The following GPR158 variants were observed in gnomAD, a reference collection of about 807,000 sequenced individuals.
The protein encoded by GPR158 is metabotropic glycine receptor.
Under a neutral mutation model 78.2 loss-of-function variants are expected in GPR158, and 30 were observed. That is an observed-to-expected ratio of 0.38 (90% confidence interval 0.29 to 0.52). GPR158 has a LOEUF of 0.52. GPR158 is among the 20% of genes least tolerant of loss of function. GPR158 has a pLI of 0.83. For missense variants in GPR158, 1,463 were observed against 1,523.5 expected (o/e 0.96, Z 0.66); for synonymous variants, 581 against 591.1 (o/e 0.98, Z 0.25).
At chr10:25,250,990 G>A (rs946403786) in intron 2 of GPR158, among the ~76,000 whole-genome samples, 2 of 151,310 alleles carry the variant, frequency 1.3e-5, no homozygotes, top group African/African-American at 4.9e-5. Context: ...TATGAATCTG[G>A]GTGCTCCTGT....
intron 2 of GPR158, among the ~76,000 whole-genome samples, chr10:25,376,475 T>A (rs1180715847): frequency 6.6e-6 from 1 of 151,726 alleles, no homozygotes; most frequent in Non-Finnish European, 1.5e-5. Flanking sequence ...CACTGTCAAT[T>A]TTGTGTTTTA....
At chr10:25,497,072 A>G (rs1415679380) in intron 5 of GPR158, among the ~76,000 whole-genome samples, 1 of 152,182 alleles carries the variant, frequency 6.6e-6, no homozygotes, top group Non-Finnish European at 1.5e-5. Context: ...GTGCATTAAG[A>G]GGCTGAGATA....
At chr10:25,260,195 T>A (rs997085641) in intron 2 of GPR158, among the ~76,000 whole-genome samples, 81 of 152,290 alleles carry the variant, frequency 5.3e-4, no homozygotes, top group African/African-American at 1.9e-3. Context: ...GCATACTTTA[T>A]TAGGCCAAGG....
rs75766995 is a variant in GPR158 at position 25,576,872 on chromosome 10, A to G, written c.1753+3985A>G. Among the ~76,000 whole-genome samples, 713 of 150,438 alleles carry G rather than the reference A, an allele frequency of 4.7e-3. 6 individuals are homozygous for G. The highest frequency in any genetic ancestry group is 7.6e-3 in the Non-Finnish European group (518 of 67,744). ...CCAAGAAGAGGAAGTTAAATTTTTGATGGTGTTTTTGTCATCTCACAGTCA... is the reference window on the plus strand; with the variant it reads ...CCAAGAAGAGGAAGTTAAATTTTTGGTGGTGTTTTTGTCATCTCACAGTCA... On this transcript the variant is annotated intron_variant, in intron 7 of 10. Coordinates refer to ENST00000376351, the MANE Select transcript of GPR158 (RefSeq NM_020752.3).
intron 2 of GPR158, among the ~76,000 whole-genome samples, chr10:25,241,246 T>C (rs1588752647): frequency 7.8e-6 from 1 of 128,332 alleles, no homozygotes; most frequent in African/African-American, 3.2e-5. Flanking sequence ...CTTTCCTTTC[T>C]TTCCTTTCTT....
intron 6 of GPR158, among the ~76,000 whole-genome samples, chr10:25,563,006 G>A (rs1836878414): frequency 6.6e-6 from 1 of 152,120 alleles, no homozygotes; most frequent in Non-Finnish European, 1.5e-5. Context: ...TTGAGGGATT[G>A]ACCCTTTTAT....
chr10:25,305,056 C>G (rs1410073116), intron 2 of GPR158, among the ~76,000 whole-genome samples: 1 of 152,194 alleles, frequency 6.6e-6, no homozygotes, highest in African/African-American at 2.4e-5. Context: ...GTGGTGGCTT[C>G]TGAAAACATT....
In GPR158 at chr10:25,175,794, C is replaced by T. The variant is rs1163504388; in HGVS notation, c.374C>T (p.Ala125Val). 6.2e-7 allele frequency: 1 copy of T among 1,611,614 alleles called. No homozygotes were observed. Among genetic ancestry groups the T allele is most frequent in the Non-Finnish European group, 8.5e-7 (1 of 1,179,968 alleles). Residue 125 changes from alanine (A) to valine (V), a missense_variant, in exon 1 of 11, where the codon GCG becomes GTG. Physicochemically the swap from Ala to Val is moderately conservative, Grantham distance 64. Transcript: ENST00000376351. The surrounding 1 kb of genome is among the most constrained non-coding windows in gnomAD (Gnocchi z 6.4). ...AGCGCGCACCCCTCCTTGCACCGGG[C>T]GCTGGACACACTGACACACGCCACC... Reference protein sequence around the residue: ...LASAHPSLHRALDTLTHATNF... With the variant: ...LASAHPSLHRVLDTLTHATNF...
intron 2 of GPR158, among the ~76,000 whole-genome samples, chr10:25,265,899 A>G (rs1163448201): frequency 1.3e-5 from 2 of 152,176 alleles, no homozygotes; most frequent in African/African-American, 4.8e-5. Flanking sequence ...TTTCAAAATG[A>G]AACTCTGATG....
At chr10:25,299,694 C>A (rs944182424) in intron 2 of GPR158, among the ~76,000 whole-genome samples, 1 of 152,118 alleles carries the variant, frequency 6.6e-6, no homozygotes. Context: ...TCAATGAACA[C>A]GGGAGTGCAG....
intron 4 of GPR158, among the ~76,000 whole-genome samples, chr10:25,424,417 G>A (rs1293177714): frequency 6.6e-6 from 1 of 151,972 alleles, no homozygotes; most frequent in Admixed American, 6.6e-5. Context: ...TTTGGCTTTT[G>A]TTGCCATTGC....
chr10:25,489,643 T>C (rs950606932), intron 5 of GPR158, among the ~76,000 whole-genome samples: 5 of 152,116 alleles, frequency 3.3e-5, no homozygotes, highest in African/African-American at 9.7e-5. Flanking sequence ...AGCTTCTCAA[T>C]GTCCTCCAGG....
chr10:25,422,062 T>C lies in GPR158; in HGVS notation c.1335+9589T>C, dbSNP rs77636773. Among the ~76,000 whole-genome samples, 69 of 152,352 alleles carry C rather than the reference T, an allele frequency of 4.5e-4. 1 individual carries two copies. In the East Asian group the frequency reaches 0.01, roughly 22 times the overall value. ...CTGTATCCTCAAGTCGTTTGTTCAGTAAATGGTAGTTTTAGATGCCTGTCA... is the reference window on the plus strand; with the variant it reads ...CTGTATCCTCAAGTCGTTTGTTCAGCAAATGGTAGTTTTAGATGCCTGTCA... On this transcript the variant is annotated intron_variant, in intron 4 of 10. Coordinates refer to ENST00000376351, the MANE Select transcript of GPR158 (RefSeq NM_020752.3).
At chr10:25,321,288 G>C (rs925449228) in intron 2 of GPR158, among the ~76,000 whole-genome samples, 13 of 152,160 alleles carry the variant, frequency 8.5e-5, no homozygotes, top group Non-Finnish European at 1.6e-4. Context: ...ATTACAATAT[G>C]AAAGCATCTC....
intron 1 of GPR158, among the ~76,000 whole-genome samples, chr10:25,209,765 T>A (rs1399971597): frequency 6.6e-6 from 1 of 152,222 alleles, no homozygotes; most frequent in East Asian, 1.9e-4. Flanking sequence ...AAGTTAGCCT[T>A]ATCCTCAAAT....
chr10:25,269,649 A>T (rs1483468898), intron 2 of GPR158, among the ~76,000 whole-genome samples: 1 of 152,214 alleles, frequency 6.6e-6, no homozygotes, highest in Non-Finnish European at 1.5e-5. Context: ...TATAGACCAG[A>T]CACTCACGTA....
intron 4 of GPR158, among the ~76,000 whole-genome samples, chr10:25,451,738 G>A (rs748180971): frequency 1.3e-5 from 2 of 152,058 alleles, no homozygotes; most frequent in Non-Finnish European, 2.9e-5. Flanking sequence ...TTGTTGTGAG[G>A]GTTAAATGTG....
intron 5 of GPR158, among the ~76,000 whole-genome samples, chr10:25,512,480 A>G (rs1267611964): frequency 6.6e-6 from 1 of 152,166 alleles, no homozygotes; most frequent in Non-Finnish European, 1.5e-5. Flanking sequence ...ATCAGCAAAC[A>G]GCAACAATTT....
intron 2 of GPR158, among the ~76,000 whole-genome samples, chr10:25,358,045 A>C (rs11014510): frequency 0.099 from 15,044 of 152,132 alleles, 815 homozygotes; most frequent in East Asian, 0.17. Flanking sequence ...AAAGGAGATC[A>C]TTATGGAACT....
Sources: gnomAD v4.1 joint callset for allele counts (sites outside exome capture counted in the v4.1 genomes callset) on GRCh38, gnomAD v4.1.1 for gene constraint, Gnocchi (gnomAD v3.1) non-coding constraint, MANE v1.5 for transcripts, NCBI Gene and HGNC (gene_info 2026-07-23, HGNC 2026-07-21) for gene names.